CRYBA4: variants seen among roughly 807,000 people sequenced by gnomAD.
CRYBA4 encodes the protein crystallin beta A4, also known as beta-crystallin A4.
In CRYBA4, 30 loss-of-function variants were observed where a neutral mutation model predicts 31.7. That is an observed-to-expected ratio of 0.95 (90% confidence interval 0.71 to 1.28). The LOEUF (loss-of-function observed/expected upper bound fraction) is 1.28, where lower values mean the gene tolerates loss of function less well. Ranked by LOEUF, CRYBA4 falls within the 50% of genes most tolerant of loss-of-function variation. CRYBA4 has a pLI of 0.00. For synonymous variants in CRYBA4, 102 were observed against 102.3 expected (o/e 1.00, Z 0.02); for missense variants, 225 against 260.7 (o/e 0.86, Z 0.94).
At chr22:26,596,694 A>G in the CRYBA4 span, 1 of 152,202 alleles carries the variant, frequency 6.6e-6, no homozygotes, top group Non-Finnish European at 1.5e-5. Context: ...GACTGTGAAG[A>G]TGGACTCCAC....
chr22:26,623,056 C>G (rs536410476), intron 2 of CRYBA4, among the ~76,000 whole-genome samples, 178 bp from the exon 3 acceptor site: 1 of 152,396 alleles, frequency 6.6e-6, no homozygotes, highest in South Asian at 2.1e-4. Context: ...CACCCATTTA[C>G]CTGGCACCTG....
chr22:26,623,523 C>T lies in CRYBA4; in HGVS notation c.158+171C>T, dbSNP rs75627451. Among the ~76,000 whole-genome samples the T allele has an allele frequency of 0.032, 4,888 of 152,150 alleles. 234 individuals carry two copies. The highest frequency in any genetic ancestry group is 0.11 in the African/African-American group (4,587 of 41,472). On this transcript the variant is annotated intron_variant, in intron 3 of 5. Transcript: ENST00000354760. ...CTGCCATGTAAGATTATGCAGGTTGCGCACTGCCCAACAGTAGGAGGGTGC... is the reference window on the plus strand; with the variant it reads ...CTGCCATGTAAGATTATGCAGGTTGTGCACTGCCCAACAGTAGGAGGGTGC...
intron 4 of CRYBA4, among the ~76,000 whole-genome samples, chr22:26,625,931 C>A (rs753702482): frequency 6.6e-6 from 1 of 151,978 alleles, no homozygotes; most frequent in Non-Finnish European, 1.5e-5. Context: ...ATTCAGGGAC[C>A]CTGAGAGAAT....
chr22:26,612,502 C>T, the CRYBA4 span, among the ~76,000 whole-genome samples: 335 of 152,312 alleles, frequency 2.2e-3, 1 homozygote, highest in Non-Finnish European at 3.7e-3. Context: ...GTTGAGATTA[C>T]AGGCACCCAC....
the CRYBA4 span, among the ~76,000 whole-genome samples, chr22:26,605,265 A>G: frequency 6.6e-6 from 1 of 152,142 alleles, no homozygotes; most frequent in Non-Finnish European, 1.5e-5. Flanking sequence ...ATGGATTTTT[A>G]TGATTAGCTT....
the CRYBA4 span, among the ~76,000 whole-genome samples, chr22:26,609,379 T>C: frequency 2.0e-5 from 3 of 152,084 alleles, no homozygotes; most frequent in Non-Finnish European, 4.4e-5. Flanking sequence ...GGAGAATAGA[T>C]GGATGGATGG....
At chr22:26,599,697 G>A in the CRYBA4 span, 4 of 1,606,292 alleles carry the variant, frequency 2.5e-6, no homozygotes, top group Non-Finnish European at 3.4e-6. Flanking sequence ...GAGAAGGACA[G>A]AGTGGAGACA....
At chr22:26,603,089 G>A in the CRYBA4 span, among the ~76,000 whole-genome samples, 1 of 137,788 alleles carries the variant, frequency 7.3e-6, no homozygotes, top group African/African-American at 2.8e-5. Context: ...CGTGCCACTT[G>A]CACACCAACC....
chr22:26,591,234 G>A, the CRYBA4 span, among the ~76,000 whole-genome samples: 1 of 152,124 alleles, frequency 6.6e-6, no homozygotes, highest in Non-Finnish European at 1.5e-5. Flanking sequence ...ACTTTGGGAG[G>A]CCAAGGTGGG....
the CRYBA4 span, among the ~76,000 whole-genome samples, chr22:26,592,333 G>A: frequency 2.6e-5 from 4 of 152,206 alleles, no homozygotes. Context: ...AGCTAACAGG[G>A]GGACAAAGGT....
the CRYBA4 span, among the ~76,000 whole-genome samples, chr22:26,602,219 C>T: frequency 2.6e-5 from 4 of 152,114 alleles, no homozygotes; most frequent in South Asian, 2.1e-4. Flanking sequence ...ATAGGGTCCT[C>T]GTGAGGATGA....
chr22:26,591,705 C>T, the CRYBA4 span, among the ~76,000 whole-genome samples: 3 of 148,130 alleles, frequency 2.0e-5, no homozygotes, highest in Non-Finnish European at 4.4e-5. Context: ...CGCACCACTG[C>T]ACTCCCACCT....
intron 4 of CRYBA4, 37 bp downstream of exon 4, chr22:26,625,659 A>G: frequency 6.2e-7 from 1 of 1,609,604 alleles, no homozygotes. Flanking sequence ...GGGAGGCCCA[A>G]GCCCCTCATG....
At chr22:26,611,457 T>TTTG in the CRYBA4 span, among the ~76,000 whole-genome samples, 2 of 135,052 alleles carry the variant, frequency 1.5e-5, no homozygotes, top group African/African-American at 2.6e-5. Context: ...AGAGTTTGTT[T>TTTG]TTTTTTTTTT....
At chr22:26,617,033 A>G (rs540753303), upstream of CRYBA4, among the ~76,000 whole-genome samples, 117 of 152,342 alleles carry the variant, frequency 7.7e-4, no homozygotes, top group African/African-American at 2.7e-3. Flanking sequence ...GAATGAATGC[A>G]TGCTCCCAGC....
chr22:26,610,033 A>C, the CRYBA4 span, among the ~76,000 whole-genome samples: 2 of 113,414 alleles, frequency 1.8e-5, no homozygotes, highest in East Asian at 5.3e-4. Context: ...ACAGACACTG[A>C]TGTGGTCTTG....
At chr22:26,602,985 C>A in the CRYBA4 span, among the ~76,000 whole-genome samples, 5 of 151,666 alleles carry the variant, frequency 3.3e-5, 1 homozygote, top group Non-Finnish European at 5.9e-5. Context: ...ATTAGCCGGG[C>A]GTGGTGGTGG....
chr22:26,628,167 C>T (rs1209672441), intron 4 of CRYBA4, 121 bp from the exon 5 acceptor site: 1 of 1,426,366 alleles, frequency 7.0e-7, no homozygotes, highest in Non-Finnish European at 9.8e-7. Context: ...TATTGCCCTT[C>T]CAAAAGGTTT....
At chr22:26,616,191 G>A in the CRYBA4 span, 5 of 1,614,208 alleles carry the variant, frequency 3.1e-6, no homozygotes, top group Admixed American at 1.7e-5. Context: ...TAATAGGCAC[G>A]GTTGTTGGGG....
Sources: gnomAD v4.1 joint callset for allele counts (sites outside exome capture counted in the v4.1 genomes callset) on GRCh38, gnomAD v4.1.1 for gene constraint, MANE v1.5 for transcripts, NCBI Gene and HGNC (gene_info 2026-07-23, HGNC 2026-07-21) for gene names.